HPSE2: variants seen among roughly 807,000 people sequenced by gnomAD.
HPSE2 encodes the protein inactive heparanase-2.
A neutral mutation model predicts 60.5 loss-of-function variants in HPSE2; 38 were observed. The observed-to-expected ratio is 0.63, with a 90% CI of 0.48 to 0.82. The LOEUF is 0.82. Among genes scored for constraint, HPSE2 ranks in the 40% least tolerant of loss-of-function variants. HPSE2 has a pLI of 0.00. For synonymous variants in HPSE2, 295 were observed against 293.2 expected (o/e 1.01, Z -0.06); for missense variants, 713 against 740.4 (o/e 0.96, Z 0.43).
intron 9 of HPSE2, among the ~76,000 whole-genome samples, chr10:98,563,036 TAC>T (rs1490951799): frequency 6.6e-6 from 1 of 152,166 alleles, no homozygotes; most frequent in Admixed American, 6.5e-5. Flanking sequence ...CTCAAAAGGT[TAC>T]ACACAGAGTT....
intron 3 of HPSE2, among the ~76,000 whole-genome samples, chr10:98,943,373 T>G (rs1388771646): frequency 2.0e-5 from 3 of 151,926 alleles, no homozygotes; most frequent in Non-Finnish European, 4.4e-5. Context: ...TTAGAGTACA[T>G]AAATATATTA....
chr10:98,522,775 G>A (rs773137226), intron 9 of HPSE2, among the ~76,000 whole-genome samples: 8 of 152,194 alleles, frequency 5.3e-5, no homozygotes, highest in East Asian at 1.9e-4. Flanking sequence ...ACCGTGTCCC[G>A]CCTTCGTCAG....
chr10:98,493,259 G>C (rs1038925495), intron 9 of HPSE2, among the ~76,000 whole-genome samples: 3 of 152,182 alleles, frequency 2.0e-5, no homozygotes, highest in African/African-American at 7.2e-5. Context: ...TATGCAATGA[G>C]AAAAAATGTA....
At chr10:98,548,056 G>A (rs1943747467) in intron 9 of HPSE2, among the ~76,000 whole-genome samples, 3 of 152,212 alleles carry the variant, frequency 2.0e-5, no homozygotes, top group South Asian at 2.1e-4. Context: ...ACAACACATA[G>A]TCCTTGTCTT....
At chr10:98,800,621 C>G (rs1272721522) in intron 3 of HPSE2, among the ~76,000 whole-genome samples, 1 of 151,598 alleles carries the variant, frequency 6.6e-6, no homozygotes, top group African/African-American at 2.4e-5. Flanking sequence ...ATTGGAAAAT[C>G]TAGCAGAAAT....
rs1177858724 is a variant in HPSE2, at chr10:98,783,057, A to G, written c.611-39001T>C. ...TGCACCCACTAACGTGTCATCTAGC[A>G]TTAGGTATATCTCCCAATGCTATCC... On this transcript the variant is annotated intron_variant, in intron 3 of 11. Coordinates refer to ENST00000370552, the MANE Select transcript of HPSE2 (RefSeq NM_021828.5). Among the ~76,000 whole-genome samples, 15 of 98,970 alleles carry G rather than the reference A, an allele frequency of 1.5e-4. No individual in the cohort carries two copies. In the East Asian group the frequency reaches 2.0e-3, roughly 13 times the overall value. 64.9% of individuals were successfully genotyped at this position (98,970 alleles called of 152,430 possible).
At chr10:99,050,303 A>G (rs1054165507) in intron 3 of HPSE2, among the ~76,000 whole-genome samples, 13 of 149,806 alleles carry the variant, frequency 8.7e-5, no homozygotes, top group African/African-American at 3.2e-4. Context: ...CTCTGTCTCA[A>G]AAAAAAAAAA....
chr10:98,731,008 G>A (rs769502601), intron 4 of HPSE2, among the ~76,000 whole-genome samples: 1 of 152,282 alleles, frequency 6.6e-6, no homozygotes, highest in Admixed American at 6.5e-5. Flanking sequence ...CTAGAGGCTG[G>A]GTGCAGTGGC....
At chr10:99,239,742 T>C (rs1040227482), upstream of HPSE2, among the ~76,000 whole-genome samples, 1 of 151,936 alleles carries the variant, frequency 6.6e-6, no homozygotes, top group Admixed American at 6.6e-5. Context: ...GTTTGTCAAC[T>C]TTTTATATTA....
At chr10:99,313,973 T>G in the HPSE2 span, among the ~76,000 whole-genome samples, 4 of 152,066 alleles carry the variant, frequency 2.6e-5, no homozygotes, top group African/African-American at 9.7e-5. Context: ...TACAGAGAAA[T>G]CTTTTAAGTG....
rs557318153 is a variant in HPSE2, at chr10:98,622,701, T to C, written c.1099-1993A>G. On this transcript the variant is annotated intron_variant, in intron 7 of 11. Transcript: ENST00000370552. ...TTAAAGTGAGTATTATGATCATAAA[T>C]GGAAGAAAAATCCTGAGAATTAACG... is the stretch of plus-strand genomic sequence containing the variant. Among the ~76,000 whole-genome samples, 21 of 152,298 alleles carry C rather than the reference T, an allele frequency of 1.4e-4. No homozygotes were observed. In the South Asian group the frequency reaches 3.9e-3, roughly 29 times the overall value.
intron 11 of HPSE2, among the ~76,000 whole-genome samples, chr10:98,462,644 C>A (rs549844662): frequency 1.3e-5 from 2 of 152,140 alleles, no homozygotes; most frequent in Non-Finnish European, 2.9e-5. Flanking sequence ...TTCTGGATGG[C>A]GTTTTGTTTT....
intron 3 of HPSE2, among the ~76,000 whole-genome samples, chr10:98,824,455 T>A (rs1951496367): frequency 6.6e-6 from 1 of 152,224 alleles, no homozygotes. Flanking sequence ...TTCATTTTTA[T>A]TTCCTGTGGT....
chr10:98,975,482 G>A (rs776347806), intron 3 of HPSE2, among the ~76,000 whole-genome samples: 5 of 151,890 alleles, frequency 3.3e-5, no homozygotes, highest in Non-Finnish European at 5.9e-5. Context: ...GGTATTGTTT[G>A]GGTGACTGCT....
At chr10:98,710,424 G>C (rs1177681518) in intron 5 of HPSE2, among the ~76,000 whole-genome samples, 6 of 152,008 alleles carry the variant, frequency 3.9e-5, no homozygotes, top group Non-Finnish European at 8.8e-5. Context: ...CTCTATTTAG[G>C]CTTCCCTTGG....
At chr10:98,799,938 CA>C (rs1950867827) in intron 3 of HPSE2, among the ~76,000 whole-genome samples, 2 of 151,356 alleles carry the variant, frequency 1.3e-5, no homozygotes, top group South Asian at 4.2e-4. Flanking sequence ...AAGATCAGAG[CA>C]GAAATAAATG....
chr10:98,910,179 AG>A (rs762399440), intron 3 of HPSE2, among the ~76,000 whole-genome samples: 39 of 151,892 alleles, frequency 2.6e-4, no homozygotes, highest in Non-Finnish European at 5.5e-4. Context: ...CCAAGCACAG[AG>A]GAAAGAGACT....
intron 3 of HPSE2, among the ~76,000 whole-genome samples, chr10:98,923,090 T>C (rs576757391): frequency 6.6e-6 from 1 of 152,348 alleles, no homozygotes; most frequent in Non-Finnish European, 1.5e-5. Context: ...AGGTATGGTA[T>C]TGAAATCCCT....
chr10:98,585,915 A>G (rs999310152), intron 9 of HPSE2, among the ~76,000 whole-genome samples: 8 of 148,984 alleles, frequency 5.4e-5, no homozygotes, highest in African/African-American at 2.0e-4. Context: ...TTGCCCCATT[A>G]CACTCCAGCC....
Sources: gnomAD v4.1 joint callset for allele counts (sites outside exome capture counted in the v4.1 genomes callset) on GRCh38, gnomAD v4.1.1 for gene constraint, MANE v1.5 for transcripts, NCBI Gene and HGNC (gene_info 2026-07-23, HGNC 2026-07-21) for gene names.